The following ANAPC10 variants were observed in gnomAD, a reference collection of about 807,000 sequenced individuals.
ANAPC10 encodes anaphase promoting complex subunit 10.
Under a neutral mutation model 22.0 loss-of-function variants are expected in ANAPC10, and 12 were observed. The observed-to-expected ratio is 0.55, with a 90% confidence interval of 0.35 to 0.88. The LOEUF (loss-of-function observed/expected upper bound fraction) is 0.88. Among genes scored for constraint, ANAPC10 ranks in the 40% least tolerant of loss-of-function variants. ANAPC10 has a pLI of 0.01. For synonymous variants in ANAPC10, 65 were observed against 69.5 expected, an observed-to-expected ratio of 0.94 and a Z score of 0.32; for missense variants, 188 against 220.9, an observed-to-expected ratio of 0.85 and a Z score of 0.94.
chr4:145,003,031 G>T (rs553383473), intron 4 of ANAPC10, among the ~76,000 whole-genome samples: 3 of 152,042 alleles, frequency 2.0e-5, no homozygotes, highest in Non-Finnish European at 4.4e-5. Flanking sequence ...CCACCCTCAA[G>T]AAAGTCCCAG....
intron 2 of ANAPC10, among the ~76,000 whole-genome samples, chr4:145,086,055 C>T (rs1036091914): frequency 3.3e-5 from 5 of 151,976 alleles, no homozygotes; most frequent in African/African-American, 9.7e-5. Flanking sequence ...ATATGAAGGA[C>T]GTAAGAGTGA....
intron 4 of ANAPC10, among the ~76,000 whole-genome samples, chr4:145,046,605 A>G (rs758083557): frequency 6.6e-6 from 1 of 152,118 alleles, no homozygotes; most frequent in Non-Finnish European, 1.5e-5. Context: ...CTTGCTTTAC[A>G]TATGCCACAA....
chr4:145,062,315 T>C (rs1184046118), intron 4 of ANAPC10, among the ~76,000 whole-genome samples: 2 of 151,764 alleles, frequency 1.3e-5, no homozygotes, highest in African/African-American at 4.8e-5. Context: ...AAGGGTTTCT[T>C]AAAAGTAAGG....
intron 4 of ANAPC10, among the ~76,000 whole-genome samples, chr4:145,007,758 T>C (rs1203469597): frequency 6.6e-6 from 1 of 150,698 alleles, no homozygotes. Flanking sequence ...AACATCACAA[T>C]TAAAAGAACT....
chr4:145,096,189 T>G (rs1316692806), intron 1 of ANAPC10, 78 bp from the exon 2 acceptor site: 3 of 1,417,404 alleles, frequency 2.1e-6, no homozygotes, highest in East Asian at 4.6e-5. Context: ...CAAGAAAAAT[T>G]TAATGGAACT....
chr4:145,063,598 T>C (rs1030679945), intron 4 of ANAPC10, among the ~76,000 whole-genome samples: 1 of 152,162 alleles, frequency 6.6e-6, no homozygotes, highest in African/African-American at 2.4e-5. Context: ...CAGATTTTAA[T>C]GATTATTTGG....
At chr4:144,998,000 G>T (rs1338181852) in intron 4 of ANAPC10, among the ~76,000 whole-genome samples, 1 of 152,158 alleles carries the variant, frequency 6.6e-6, no homozygotes, top group Non-Finnish European at 1.5e-5. Context: ...TTACATAATG[G>T]TAAAGGGATC....
At chr4:145,067,048 A>G (rs1743808039) in intron 3 of ANAPC10, among the ~76,000 whole-genome samples, 1 of 152,206 alleles carries the variant, frequency 6.6e-6, no homozygotes, top group Non-Finnish European at 1.5e-5. Context: ...AATTTGCTAT[A>G]TACATAGTTT....
At chr4:145,049,058 T>C (rs1005515242) in intron 4 of ANAPC10, among the ~76,000 whole-genome samples, 1 of 152,198 alleles carries the variant, frequency 6.6e-6, no homozygotes, top group Non-Finnish European at 1.5e-5. Context: ...ATGCTCACAC[T>C]CTACTGTAGT....
In ANAPC10 at chr4:145,012,705, T is replaced by G. The variant is rs141645149; in HGVS notation, c.328-17102A>C. 1.1e-3 allele frequency among the ~76,000 whole-genome samples: 174 copies of G among 152,332 alleles called. 1 individual carries two copies. Among genetic ancestry groups the G allele is most frequent in the African/African-American group, 4.1e-3 (171 of 41,560 alleles). ...AAAACTTCAGACCTGGATGGCTTTA[T>G]CAGTTGGACTGGCTTCTTCTAAATA... is the stretch of plus-strand genomic sequence containing the variant. On this transcript the variant is annotated intron_variant, in intron 4 of 4. Coordinates refer to ENST00000507656, the MANE Select transcript of ANAPC10 (RefSeq NM_001256706.2).
chr4:145,022,074 C>T (rs1736037132), intron 4 of ANAPC10, among the ~76,000 whole-genome samples: 1 of 152,130 alleles, frequency 6.6e-6, no homozygotes, highest in East Asian at 1.9e-4. Context: ...TAAACTAGTA[C>T]AGCCACTATG....
rs35703902 is a variant in ANAPC10 at position 145,072,097 on chromosome 4, A to C, written c.207-7405T>G. ...GCCCAAGTTTAGGGAGAGGAATAAA[A>C]CTTAAAGAAACTTTAAAGCAAGATT... On this transcript the variant is annotated intron_variant, in intron 3 of 4. Coordinates refer to ENST00000507656, the MANE Select transcript of ANAPC10 (RefSeq NM_001256706.2). Among the ~76,000 whole-genome samples the C allele has an allele frequency of 4.4e-3, 669 of 152,288 alleles. 3 individuals carry two copies. The highest frequency in any genetic ancestry group is 0.015 in the African/African-American group (615 of 41,570).
intron 4 of ANAPC10, among the ~76,000 whole-genome samples, chr4:145,053,315 C>A (rs568312542): frequency 6.6e-6 from 1 of 152,174 alleles, no homozygotes; most frequent in Non-Finnish European, 1.5e-5. Flanking sequence ...AACATATTAT[C>A]TGAACAATTT....
chr4:145,018,510 C>G (rs963745457), intron 4 of ANAPC10, among the ~76,000 whole-genome samples: 2 of 151,962 alleles, frequency 1.3e-5, no homozygotes, highest in African/African-American at 4.8e-5. Context: ...TGGTGGCAGG[C>G]ACCTATAATC....
At chr4:145,033,540 G>A (rs1307432437) in intron 4 of ANAPC10, among the ~76,000 whole-genome samples, 1 of 152,192 alleles carries the variant, frequency 6.6e-6, no homozygotes, top group Non-Finnish European at 1.5e-5. Context: ...CACAATGGAA[G>A]TAAGGAAGAA....
At chr4:144,998,950 C>A (rs1227124293) in intron 4 of ANAPC10, among the ~76,000 whole-genome samples, 2 of 152,134 alleles carry the variant, frequency 1.3e-5, no homozygotes, top group African/African-American at 2.4e-5. Flanking sequence ...ACTGAACCAA[C>A]AGAAATACAA....
At chr4:145,077,332 AAAC>A (rs1745342149) in intron 3 of ANAPC10, among the ~76,000 whole-genome samples, 1 of 152,242 alleles carries the variant, frequency 6.6e-6, no homozygotes, top group Non-Finnish European at 1.5e-5. Flanking sequence ...AGAGAGGGAG[AAAC>A]AACAAGCAAA....
intron 4 of ANAPC10, among the ~76,000 whole-genome samples, chr4:145,001,022 C>T (rs979567861): frequency 3.3e-5 from 5 of 151,964 alleles, no homozygotes; most frequent in Admixed American, 6.6e-5. Flanking sequence ...GGGCCCACCC[C>T]GGGGCCTGTC....
At chr4:145,025,334 C>G (rs1325912336) in intron 4 of ANAPC10, among the ~76,000 whole-genome samples, 1 of 68,796 alleles carries the variant, frequency 1.5e-5, no homozygotes, top group Non-Finnish European at 2.8e-5. Flanking sequence ...TTCAACACGC[C>G]CCCCCCCCCT....
Sources: gnomAD v4.1 joint callset for allele counts (sites outside exome capture counted in the v4.1 genomes callset) on GRCh38, gnomAD v4.1.1 for gene constraint, MANE v1.5 for transcripts, NCBI Gene and HGNC (gene_info 2026-07-23, HGNC 2026-07-21) for gene names.